The following C7 variants were observed in gnomAD, a reference collection of about 807,000 sequenced individuals.
C7 encodes the protein complement C7, also known as complement component C7.
A neutral mutation model predicts 104.8 loss-of-function variants in C7; 83 were observed. That is an observed-to-expected ratio of 0.79 (90% CI 0.66 to 0.95). The LOEUF is 0.95. Among genes scored for constraint, C7 ranks in the 40% least tolerant of loss-of-function variants. The pLI is 0.00. For synonymous variants in C7, 415 were observed against 360.6 expected (o/e 1.15, Z -1.71); for missense variants, 1,070 against 1,011.2 (o/e 1.06, Z -0.79).
intron 3 of C7, among the ~76,000 whole-genome samples, chr5:40,933,425 G>C (rs552391953): frequency 7.2e-5 from 11 of 152,314 alleles, no homozygotes; most frequent in Middle Eastern, 3.4e-3. Flanking sequence ...CTGATTGCCA[G>C]GGGTAGATCT....
At chr5:40,939,557 T>C (rs1202685959) in intron 6 of C7, among the ~76,000 whole-genome samples, 1 of 152,200 alleles carries the variant, frequency 6.6e-6, no homozygotes, top group Non-Finnish European at 1.5e-5. Flanking sequence ...CAATTCTAAA[T>C]TCAACGTGGT....
intron 6 of C7, among the ~76,000 whole-genome samples, chr5:40,943,129 G>T (rs1739975828): frequency 1.3e-5 from 2 of 152,188 alleles, no homozygotes; most frequent in Admixed American, 1.3e-4. Flanking sequence ...AGGCAAGGAA[G>T]TTAAATCCAT....
At position 40,945,368 on chromosome 5, in the gene C7, G is replaced by A. The variant is rs1225167508; in HGVS notation, c.738G>A (p.Lys246=). ...TSHTNEIHKG[K]SYQLLVVENT... ...ATACCAATGAAATCCATAAAGGAAA[G>A]GTTAGTATAAAATGTCAGTTAACTT... The change falls in exon 7 of 18, where the codon AAG becomes AAA. Residue 246 remains lysine (K), a splice_region_variant and synonymous_variant. Coordinates refer to ENST00000313164, the MANE Select transcript of C7 (RefSeq NM_000587.4). 2 of 1,571,120 alleles carry A rather than the reference G, an allele frequency of 1.3e-6. No homozygotes were observed. Among genetic ancestry groups the A allele is most frequent in the Non-Finnish European group, 1.7e-6 (2 of 1,163,872 alleles).
At chr5:40,924,879 C>T (rs1166749181) in intron 1 of C7, among the ~76,000 whole-genome samples, 1 of 152,200 alleles carries the variant, frequency 6.6e-6, no homozygotes, top group Non-Finnish European at 1.5e-5. Context: ...TGGGCCTGGC[C>T]CATGAAACCA....
At chr5:40,952,826 A>G (rs988529501) in intron 9 of C7, among the ~76,000 whole-genome samples, 1 of 152,202 alleles carries the variant, frequency 6.6e-6, no homozygotes, top group Non-Finnish European at 1.5e-5. Context: ...ATAAAAAATG[A>G]TGAGCTCATG....
rs1739657088 is a variant in C7, at chr5:40,930,410, T to A, written c.63-654T>A. 2.0e-5 allele frequency among the ~76,000 whole-genome samples: 3 copies of A among 151,810 alleles called. No individual in the cohort carries two copies. In the South Asian group the frequency reaches 6.3e-4, roughly 32 times the overall value. On this transcript the variant is annotated intron_variant, in intron 2 of 17. Coordinates refer to ENST00000313164, the MANE Select transcript of C7 (RefSeq NM_000587.4). ...TAGTAGAGACGGGGTTTCACCATGA[T>A]GGCCCTGTTGGTCTCAAACTCCTGA...
chr5:40,970,553 G>A (rs1325604473), intron 14 of C7, among the ~76,000 whole-genome samples: 1 of 152,116 alleles, frequency 6.6e-6, no homozygotes, highest in East Asian at 1.9e-4. Flanking sequence ...CTACTCAGGA[G>A]GTTGAGTCAG....
At chr5:40,977,616 G>A (rs76040060) in intron 16 of C7, among the ~76,000 whole-genome samples, 1,565 of 152,258 alleles carry the variant, frequency 0.01, 29 homozygotes, top group African/African-American at 0.036. Context: ...ACAGGCGTGA[G>A]CCAGGGGCAT....
chr5:40,958,731 G>A (rs1307414931), intron 11 of C7, among the ~76,000 whole-genome samples: 1 of 152,126 alleles, frequency 6.6e-6, no homozygotes, highest in Non-Finnish European at 1.5e-5. Flanking sequence ...CAAGCACTTA[G>A]TACAGGGCTA....
intron 13 of C7, among the ~76,000 whole-genome samples, chr5:40,963,224 AG>A (rs1213167050): frequency 6.6e-6 from 1 of 152,206 alleles, no homozygotes; most frequent in Non-Finnish European, 1.5e-5. Flanking sequence ...CGAATGACTC[AG>A]GGAACTTAAA....
intron 15 of C7, 163 bp from the exon 16 acceptor site, chr5:40,976,587 C>A (rs1740824509): frequency 6.2e-6 from 3 of 483,050 alleles, no homozygotes; most frequent in Non-Finnish European, 1.1e-5. Flanking sequence ...CTCTCTATAG[C>A]TTGTAAAATG....
At chr5:40,920,064 A>C (rs1468157827) in intron 1 of C7, among the ~76,000 whole-genome samples, 1 of 152,126 alleles carries the variant, frequency 6.6e-6, no homozygotes, top group Non-Finnish European at 1.5e-5. Context: ...TTTTGAAAAG[A>C]TGAACAAATT....
chr5:40,929,625 GTTCTTTTATTC>G (rs1400467759), intron 2 of C7, among the ~76,000 whole-genome samples: 1 of 152,124 alleles, frequency 6.6e-6, no homozygotes, highest in African/African-American at 2.4e-5. Flanking sequence ...AGGAATACTA[GTTCTTTTATTC>G]TTCGTAGAGC....
At chr5:40,949,784 T>C in intron 8 of C7, 120 bp from the exon 9 acceptor site, 2 of 671,108 alleles carry the variant, frequency 3.0e-6, no homozygotes, top group East Asian at 5.5e-5. Flanking sequence ...GTTCATATCA[T>C]GTCACTCTTG....
Position 40,983,334 on chromosome 5 carries a change from GCTT to G in C7, c.*1762_*1764del, listed in dbSNP as rs1740991149. Among the ~76,000 whole-genome samples the G allele has an allele frequency of 1.3e-5, 2 of 151,900 alleles. No individual in the cohort carries two copies. The highest frequency in any genetic ancestry group is 2.9e-5 in the Non-Finnish European group (2 of 67,986). The stretch of plus-strand genomic sequence containing the variant: ...GCTAGTATGGAGTTAGATTCCTACC[GCTT>G]ATGTATCACCATGCCCCCTTCCTAA... On this transcript the variant is annotated 3_prime_UTR_variant, in exon 18 of 18. Transcript: ENST00000313164.
chr5:40,981,310 A>C (rs1193358294), intron 17 of C7, 82 bp from the exon 18 acceptor site: 1 of 1,303,740 alleles, frequency 7.7e-7, no homozygotes, highest in Non-Finnish European at 1.1e-6. Context: ...TCTGATCACC[A>C]CATTATTACT....
chr5:40,954,541 T>C (rs1009588349), intron 9 of C7, among the ~76,000 whole-genome samples: 7 of 152,268 alleles, frequency 4.6e-5, no homozygotes, highest in Admixed American at 3.3e-4. Context: ...AATAATTCCC[T>C]AATATCATCT....
At chr5:40,965,620 G>A (rs1182948428) in intron 14 of C7, among the ~76,000 whole-genome samples, 3 of 140,344 alleles carry the variant, frequency 2.1e-5, no homozygotes, top group South Asian at 2.3e-4. Flanking sequence ...AGTGGTGAGT[G>A]TATAGTGATA....
chr5:40,972,426 C>CTGA lies in C7; in HGVS notation c.1909_1911dup (p.Met637dup), dbSNP rs761491305. ...AGAAATTGCCTGTGTTCTACCTGTA[C>CTGA]TGATGGATGGCATACAGAGTCACCC... On this transcript the variant is annotated inframe_insertion, in exon 15 of 18. Coordinates refer to ENST00000313164, the MANE Select transcript of C7 (RefSeq NM_000587.4). 2.3e-5 allele frequency: 37 copies of CTGA among 1,613,724 alleles called. No homozygotes were observed. The East Asian group carries it at 7.8e-4, about 34-fold the overall frequency.
Sources: gnomAD v4.1 joint callset for allele counts (sites outside exome capture counted in the v4.1 genomes callset) on GRCh38, gnomAD v4.1.1 for gene constraint, MANE v1.5 for transcripts, NCBI Gene and HGNC (gene_info 2026-07-23, HGNC 2026-07-21) for gene names.